The following PLCZ1 variants were observed in gnomAD, a reference collection of about 807,000 sequenced individuals.
PLCZ1 encodes the protein 1-phosphatidylinositol 4,5-bisphosphate phosphodiesterase zeta-1.
In PLCZ1, 64 loss-of-function variants were observed where a neutral mutation model predicts 76.8. That is an observed-to-expected ratio of 0.83 (90% confidence interval 0.68 to 1.03). The LOEUF is 1.03. Ranked by LOEUF, PLCZ1 falls within the 50% of genes least tolerant of loss-of-function variation. PLCZ1 has a pLI of 0.00. For synonymous variants in PLCZ1, 248 were observed against 230.8 expected, an observed-to-expected ratio of 1.07 and a Z score of -0.68; for missense variants, 751 against 713.7, an observed-to-expected ratio of 1.05 and a Z score of -0.60.
the PLCZ1 span, among the ~76,000 whole-genome samples, chr12:18,650,198 C>A: frequency 6.6e-6 from 1 of 151,704 alleles, no homozygotes; most frequent in African/African-American, 2.4e-5. Flanking sequence ...GTTCTTTTCC[C>A]CCAGACCTGT....
chr12:18,727,438 G>A (rs994409170), intron 3 of PLCZ1, among the ~76,000 whole-genome samples: 1 of 152,110 alleles, frequency 6.6e-6, no homozygotes, highest in Admixed American at 6.6e-5. Flanking sequence ...AGGGTCAAAG[G>A]AGAATCTTTA....
chr12:18,667,279 A>T, the PLCZ1 span, among the ~76,000 whole-genome samples: 3 of 152,094 alleles, frequency 2.0e-5, no homozygotes, highest in Admixed American at 1.3e-4. Context: ...CCACTTAGAG[A>T]TATGTGTAAT....
intron 2 of PLCZ1, 132 bp from the exon 3 acceptor site, chr12:18,736,476 TGTA>T: frequency 8.3e-7 from 1 of 1,204,048 alleles, no homozygotes; most frequent in Non-Finnish European, 1.1e-6. Flanking sequence ...ATAGTATAAT[TGTA>T]TGATAAATAT....
At chr12:18,695,614 C>T (rs1395202317) in intron 11 of PLCZ1, among the ~76,000 whole-genome samples, 4 of 152,046 alleles carry the variant, frequency 2.6e-5, no homozygotes, top group African/African-American at 9.7e-5. Flanking sequence ...CCCCTCCTCA[C>T]ACCTACAGGC....
chr12:18,703,863 CA>C (rs906392752), intron 7 of PLCZ1, among the ~76,000 whole-genome samples: 38 of 151,244 alleles, frequency 2.5e-4, no homozygotes, highest in Middle Eastern at 3.4e-3. Context: ...TTTAAGTTGG[CA>C]AAAAAAATAA....
chr12:18,666,561 A>G, the PLCZ1 span, among the ~76,000 whole-genome samples: 1 of 152,210 alleles, frequency 6.6e-6, no homozygotes, highest in Non-Finnish European at 1.5e-5. Context: ...AACCCCCAAA[A>G]TATGTGAAGC....
chr12:18,710,232 CAAGGCCTTTG>C lies in PLCZ1; in HGVS notation c.714+2600_714+2609del, dbSNP rs569017148. ...AGAAGCTGTAGGCTTTTCATCCTTG[CAAGGCCTTTG>C]AATTTTAAGACTGTCACTATTTTTT... On this transcript the variant is annotated intron_variant, in intron 6 of 14. Coordinates refer to ENST00000266505, the MANE Select transcript of PLCZ1 (RefSeq NM_033123.4). Among the ~76,000 whole-genome samples, 285 of 149,848 alleles carry C rather than the reference CAAGGCCTTTG, an allele frequency of 1.9e-3. 1 individual carries two copies. The highest frequency in any genetic ancestry group is 6.7e-3 in the African/African-American group (271 of 40,616).
At chr12:18,694,237 G>C in intron 12 of PLCZ1, 1 of 604,138 alleles carries the variant, frequency 1.7e-6, no homozygotes, top group Non-Finnish European at 3.0e-6. Flanking sequence ...TTTGGAGTAC[G>C]ATGTGTAAGT....
intron 1 of PLCZ1, 133 bp downstream of exon 1, chr12:18,737,798 TG>T (rs763295140): frequency 3.5e-5 from 11 of 317,612 alleles, no homozygotes; most frequent in Non-Finnish European, 6.6e-5. Context: ...CCAGTGGGTT[TG>T]GGCAGCTACT....
At chr12:18,646,059 C>T in the PLCZ1 span, among the ~76,000 whole-genome samples, 3 of 152,058 alleles carry the variant, frequency 2.0e-5, no homozygotes, top group Admixed American at 2.0e-4. Flanking sequence ...GAAAGATTTC[C>T]AGGCAGCATT....
At chr12:18,713,881 T>C (rs1592218771) in intron 5 of PLCZ1, 1 of 152,364 alleles carries the variant, frequency 6.6e-6, no homozygotes, top group East Asian at 1.9e-4. Context: ...TTAGGTTCAT[T>C]AAATCAGTTG....
At chr12:18,723,627 T>C in intron 3 of PLCZ1, 85 bp from the exon 4 acceptor site, 1 of 1,009,446 alleles carries the variant, frequency 9.9e-7, no homozygotes, top group Non-Finnish European at 1.5e-6. Flanking sequence ...TAACATGTAG[T>C]AATTTATACT....
intron 12 of PLCZ1, among the ~76,000 whole-genome samples, chr12:18,688,553 C>CATATATAT (rs138210697): frequency 6.8e-6 from 1 of 146,956 alleles, no homozygotes; most frequent in African/African-American, 2.5e-5. Context: ...TTTTTGAATT[C>CATATATAT]ATATATATAT....
the PLCZ1 span, among the ~76,000 whole-genome samples, chr12:18,664,017 T>C: frequency 1.3e-5 from 2 of 152,122 alleles, no homozygotes; most frequent in Non-Finnish European, 1.5e-5. Flanking sequence ...TCACTAATCA[T>C]TGAAAATGCA....
chr12:18,669,321 G>T, the PLCZ1 span, among the ~76,000 whole-genome samples: 6 of 152,060 alleles, frequency 3.9e-5, no homozygotes, highest in Non-Finnish European at 8.8e-5. Flanking sequence ...GTGGTCTCTT[G>T]TATTCTTACT....
intron 9 of PLCZ1, among the ~76,000 whole-genome samples, chr12:18,700,864 A>G (rs1172259017): frequency 2.6e-5 from 4 of 152,152 alleles, no homozygotes. Flanking sequence ...TATTATTAAT[A>G]TTGAATCTTG....
At chr12:18,661,900 A>T in the PLCZ1 span, among the ~76,000 whole-genome samples, 1 of 152,152 alleles carries the variant, frequency 6.6e-6, no homozygotes, top group Admixed American at 6.6e-5. Context: ...ATTTTTTTAA[A>T]TGAAGTACAC....
chr12:18,688,271 C>T, intron 12 of PLCZ1, 53 bp from the exon 13 acceptor site: 3 of 1,529,426 alleles, frequency 2.0e-6, no homozygotes, highest in Non-Finnish European at 1.8e-6. Context: ...AGTTACATCA[C>T]CATTTATTTC....
chr12:18,685,874 A>AC, intron 13 of PLCZ1, among the ~76,000 whole-genome samples: 2 of 143,310 alleles, frequency 1.4e-5, no homozygotes, highest in African/African-American at 5.0e-5. Flanking sequence ...ACACACATAC[A>AC]ATAATATGGA....
Sources: allele counts gnomAD v4.1 joint callset (sites outside exome capture counted in the v4.1 genomes callset), GRCh38; gene constraint gnomAD v4.1.1; transcripts MANE v1.5; gene names NCBI Gene and HGNC (gene_info 2026-07-23, HGNC 2026-07-21).